The following TUSC3 variants were observed in gnomAD, a reference collection of about 807,000 sequenced individuals.
TUSC3 encodes dolichyl-diphosphooligosaccharide--protein glycosyltransferase subunit TUSC3.
TUSC3 carries 45 observed loss-of-function variants against 44.8 expected under a neutral mutation model. The observed-to-expected ratio is 1.00, with a 90% CI of 0.79 to 1.29. The LOEUF is 1.29. TUSC3 is among the 50% of genes most tolerant of loss of function. TUSC3 has a pLI of 0.00. For synonymous variants in TUSC3, 212 were observed against 152.9 expected (o/e 1.39, Z -2.85); for missense variants, 519 against 437.9 (o/e 1.19, Z -1.65).
the TUSC3 span, among the ~76,000 whole-genome samples, chr8:15,848,368 T>TCGC: frequency 6.6e-6 from 1 of 152,190 alleles, no homozygotes; most frequent in Non-Finnish European, 1.5e-5. Context: ...TGGAACAGGC[T>TCGC]CTGTTCCAGC....
chr8:15,577,798 C>G (rs1803173957), intron 1 of TUSC3, among the ~76,000 whole-genome samples: 1 of 146,526 alleles, frequency 6.8e-6, no homozygotes. Context: ...GCGATGCGGG[C>G]TCTTTTTTGG....
intron 1 of TUSC3, among the ~76,000 whole-genome samples, chr8:15,470,721 C>T (rs1800480520): frequency 6.6e-6 from 1 of 152,146 alleles, no homozygotes; most frequent in Non-Finnish European, 1.5e-5. Flanking sequence ...AAGCCACTGT[C>T]TCAGTGGAGT....
the TUSC3 span, among the ~76,000 whole-genome samples, chr8:15,798,222 T>A: frequency 6.6e-6 from 1 of 152,198 alleles, no homozygotes; most frequent in African/African-American, 2.4e-5. Flanking sequence ...AACAGAACAT[T>A]GAATAGACCC....
At chr8:15,422,466 G>A (rs531756833) in intron 1 of TUSC3, among the ~76,000 whole-genome samples, 6 of 152,296 alleles carry the variant, frequency 3.9e-5, no homozygotes, top group African/African-American at 7.2e-5. Context: ...GTCAAAGGAT[G>A]CAAAATATTA....
At chr8:15,511,389 G>A (rs898675059) in intron 2 of TUSC3, among the ~76,000 whole-genome samples, 29 of 151,908 alleles carry the variant, frequency 1.9e-4, no homozygotes, top group African/African-American at 6.8e-4. Context: ...AAAATGTGAT[G>A]GAATATACAA....
the TUSC3 span, among the ~76,000 whole-genome samples, chr8:15,851,521 C>T: frequency 6.6e-6 from 1 of 152,146 alleles, no homozygotes; most frequent in Non-Finnish European, 1.5e-5. Flanking sequence ...TCTCATTTTA[C>T]AGATGAAGAA....
chr8:15,521,781 A>T (rs1801303474), intron 2 of TUSC3, among the ~76,000 whole-genome samples: 1 of 152,120 alleles, frequency 6.6e-6, no homozygotes, highest in Non-Finnish European at 1.5e-5. Flanking sequence ...CCATTTGGCC[A>T]TTGGCTCCTC....
In TUSC3 at chr8:15,578,123, G is replaced by C. The variant is rs1803186480; in HGVS notation, c.138+37555G>C. Among the ~76,000 whole-genome samples the C allele has an allele frequency of 2.0e-5, 3 of 149,002 alleles. No homozygotes were observed. In the South Asian group the frequency reaches 6.5e-4, roughly 32 times the overall value. ...TGATTTGGCTCTCCGTTTGTCTGTT[G>C]TTGGTGTATAAGAATGCTTGTGATT... is the stretch of plus-strand genomic sequence containing the variant. On this transcript the variant is annotated intron_variant, in intron 1 of 10. Coordinates refer to ENST00000503731, the MANE Select transcript of TUSC3 (RefSeq NM_006765.4).
At chr8:15,819,989 T>C in the TUSC3 span, among the ~76,000 whole-genome samples, 1 of 152,210 alleles carries the variant, frequency 6.6e-6, no homozygotes, top group Non-Finnish European at 1.5e-5. Flanking sequence ...TCAATTATTA[T>C]GCTGACTACA....
chr8:15,605,097 A>T (rs1391316941), intron 1 of TUSC3, among the ~76,000 whole-genome samples: 1 of 151,896 alleles, frequency 6.6e-6, no homozygotes, highest in Non-Finnish European at 1.5e-5. Context: ...AAGTTAGAAT[A>T]TAATGAAACA....
At chr8:15,437,217 G>C (rs1428330858) in intron 1 of TUSC3, among the ~76,000 whole-genome samples, 2 of 152,112 alleles carry the variant, frequency 1.3e-5, no homozygotes, top group African/African-American at 4.8e-5. Flanking sequence ...AAGAATAGGA[G>C]ATAATTGCAA....
chr8:15,536,775 G>T (rs1042092424), upstream of TUSC3, among the ~76,000 whole-genome samples: 1 of 149,268 alleles, frequency 6.7e-6, no homozygotes, highest in Admixed American at 6.7e-5. Flanking sequence ...TGTATGGGAG[G>T]TTGGTGAGAT....
chr8:15,438,527 G>C (rs145700577), intron 1 of TUSC3, among the ~76,000 whole-genome samples: 6 of 152,128 alleles, frequency 3.9e-5, no homozygotes, highest in Non-Finnish European at 8.8e-5. Flanking sequence ...TAGACTCGTG[G>C]GTGAGAGATT....
chr8:15,576,941 G>T (rs1207040787), intron 1 of TUSC3, among the ~76,000 whole-genome samples: 3 of 117,134 alleles, frequency 2.6e-5, no homozygotes, highest in Non-Finnish European at 3.7e-5. Flanking sequence ...GTGTAAAAGT[G>T]TTCCTGTTTC....
intron 2 of TUSC3, among the ~76,000 whole-genome samples, chr8:15,638,966 T>C (rs1047332791): frequency 2.6e-5 from 4 of 150,994 alleles, no homozygotes; most frequent in African/African-American, 7.3e-5. Context: ...GATGATCATG[T>C]GTCGATGCTA....
chr8:15,423,391 A>G (rs1439283089), intron 1 of TUSC3, among the ~76,000 whole-genome samples: 2 of 152,114 alleles, frequency 1.3e-5, no homozygotes, highest in Admixed American at 1.3e-4. Flanking sequence ...TACTTTTCGG[A>G]TACTGTCTCC....
At chr8:15,785,775 C>T in the TUSC3 span, among the ~76,000 whole-genome samples, 307 of 151,974 alleles carry the variant, frequency 2.0e-3, 1 homozygote, top group African/African-American at 7.1e-3. Context: ...TAACATATCA[C>T]GAAGCATTCT....
chr8:15,650,080 TATC>T (rs916633313), intron 2 of TUSC3, among the ~76,000 whole-genome samples: 1 of 152,172 alleles, frequency 6.6e-6, no homozygotes, highest in African/African-American at 2.4e-5. Context: ...TAGAAACAAA[TATC>T]ATCTTAGAGA....
intron 6 of TUSC3, among the ~76,000 whole-genome samples, chr8:15,702,598 G>A (rs1809451392): frequency 6.6e-6 from 1 of 151,982 alleles, no homozygotes; most frequent in Non-Finnish European, 1.5e-5. Flanking sequence ...GATTGGTAGT[G>A]TCTCCCTATC....
Sources: gnomAD v4.1 joint callset for allele counts (sites outside exome capture counted in the v4.1 genomes callset) on GRCh38, gnomAD v4.1.1 for gene constraint, MANE v1.5 for transcripts, NCBI Gene and HGNC (gene_info 2026-07-23, HGNC 2026-07-21) for gene names.